The following FZD6 variants were observed in gnomAD, a reference collection of about 807,000 sequenced individuals.
FZD6 encodes frizzled-6.
In FZD6, 49 loss-of-function variants were observed where a neutral mutation model predicts 61.4. The observed-to-expected ratio is 0.80, with a 90% confidence interval of 0.63 to 1.01. FZD6 has a LOEUF of 1.01. Ranked by LOEUF, FZD6 falls within the 50% of genes least tolerant of loss-of-function variation. FZD6 has a pLI of 0.00. For missense variants in FZD6, 724 were observed against 848.2 expected (o/e 0.85, Z 1.82); for synonymous variants, 265 against 292.2 (o/e 0.91, Z 0.95).
intron 3 of FZD6, among the ~76,000 whole-genome samples, chr8:103,321,378 T>C (rs1173025497): frequency 1.3e-5 from 2 of 152,364 alleles, no homozygotes; most frequent in East Asian, 3.9e-4. Flanking sequence ...AAAATAATTC[T>C]AGTATGGCCT....
chr8:103,324,198 A>T (rs188841008), intron 3 of FZD6, among the ~76,000 whole-genome samples: 1 of 152,344 alleles, frequency 6.6e-6, no homozygotes, highest in Non-Finnish European at 1.5e-5. Context: ...AAATTATTTT[A>T]AAATTATGAA....
At chr8:103,328,113 T>C (rs1414126481) in intron 4 of FZD6, among the ~76,000 whole-genome samples, 155 bp from the exon 5 acceptor site, 1 of 152,230 alleles carries the variant, frequency 6.6e-6, no homozygotes, top group Non-Finnish European at 1.5e-5. Flanking sequence ...ATAAAAAATG[T>C]GTTGCACTTA....
intron 2 of FZD6, among the ~76,000 whole-genome samples, chr8:103,312,111 T>A (rs1586510359): frequency 6.6e-6 from 1 of 152,326 alleles, no homozygotes; most frequent in Non-Finnish European, 1.5e-5. Context: ...GAGATGTGAA[T>A]TGCCTTCTCA....
chr8:103,314,063 C>T lies in FZD6; in HGVS notation c.178-4527C>T, dbSNP rs1394426663. 2.0e-5 allele frequency among the ~76,000 whole-genome samples: 3 copies of T among 152,208 alleles called. No homozygotes were observed. The East Asian group carries it at 5.8e-4, about 29-fold the overall frequency. On this transcript the variant is annotated intron_variant, in intron 2 of 6. Coordinates refer to ENST00000358755, the MANE Select transcript of FZD6 (RefSeq NM_003506.4). ...TCTGAGTTTTCAGCATTCAGTTTATCCTCTACACAGTGCAGGAACATCAAC... is the reference window on the plus strand; with the variant it reads ...TCTGAGTTTTCAGCATTCAGTTTATTCTCTACACAGTGCAGGAACATCAAC...
chr8:103,305,596 A>G (rs573760983), intron 2 of FZD6, among the ~76,000 whole-genome samples: 4 of 152,364 alleles, frequency 2.6e-5, no homozygotes, highest in Non-Finnish European at 5.9e-5. Flanking sequence ...GTTTTTCAGG[A>G]AAGACTATCT....
At position 103,332,636 on chromosome 8, in the gene FZD6, A is replaced by C. The variant is rs888241477; in HGVS notation, c.*1127A>C. 6.6e-6 allele frequency: 1 copy of C among 152,550 alleles called. No homozygotes were observed. The highest frequency in any genetic ancestry group is 2.4e-5 in the African/African-American group (1 of 41,446). 9.4% of individuals were successfully genotyped at this position (152,550 alleles called of 1,614,324 possible). A position where few individuals can be genotyped will look rare whatever the true frequency, so the allele number is the denominator to read the frequency against. On this transcript the variant is annotated 3_prime_UTR_variant, in exon 7 of 7. Coordinates refer to ENST00000358755, the MANE Select transcript of FZD6 (RefSeq NM_003506.4). ...AGGAGTTTTCTTAATTTTGTTTCCT[A>C]TTAAGTATTATTCTTTGGGCAAGAT...
At position 103,324,607 on chromosome 8, in the gene FZD6, T is replaced by C; in HGVS notation, c.501T>C (p.Thr167=). Residue 167 remains threonine, a synonymous_variant, in exon 4 of 7, where the codon ACT becomes ACC. Transcript: ENST00000358755. ...TTTGGTGTCCAAGGCATCTTAAGAC[T>C]TCTGGGGGACAAGGATATAAGTTTC... ...IGFWCPRHLK[T]SGGQGYKFLG... 6.2e-7 allele frequency: 1 copy of C among 1,614,182 alleles called. No individual in the cohort carries two copies. The highest frequency in any genetic ancestry group is 8.5e-7 in the Non-Finnish European group (1 of 1,179,996).
chr8:103,311,885 C>CT (rs1814506183), intron 2 of FZD6, among the ~76,000 whole-genome samples: 2 of 152,050 alleles, frequency 1.3e-5, no homozygotes, highest in African/African-American at 4.8e-5. Context: ...GATGGATACT[C>CT]TGAGACTCAG....
intron 2 of FZD6, among the ~76,000 whole-genome samples, chr8:103,312,905 A>C (rs75713297): frequency 0.014 from 2,125 of 152,182 alleles, 54 homozygotes; most frequent in African/African-American, 0.048. Flanking sequence ...TTTTTAACTG[A>C]AGAGTTTCTT....
intron 3 of FZD6, among the ~76,000 whole-genome samples, chr8:103,321,770 C>T (rs1409703987): frequency 2.6e-5 from 4 of 152,116 alleles, no homozygotes; most frequent in Admixed American, 6.6e-5. Context: ...TTTTCAGTTC[C>T]GGCTCCAGCC....
Position 103,330,567 on chromosome 8 carries a change from C to G in FZD6, c.1952+502C>G, listed in dbSNP as rs181129775. Among the ~76,000 whole-genome samples the G allele has an allele frequency of 1.9e-3, 287 of 152,260 alleles. 2 individuals carry two copies. Among genetic ancestry groups the G allele is most frequent in the African/African-American group, 6.6e-3 (276 of 41,558 alleles). On this transcript the variant is annotated intron_variant, in intron 6 of 6. Transcript: ENST00000358755. ...CATTAAGATCTCAAGGTTATCTTACCTAGTCCTCTCAGACTAGGCTAAATG... is the reference window on the plus strand; with the variant it reads ...CATTAAGATCTCAAGGTTATCTTACGTAGTCCTCTCAGACTAGGCTAAATG...
chr8:103,318,782 G>A lies in FZD6; in HGVS notation c.370G>A (p.Asp124Asn). The change falls in exon 3 of 7, where the codon GAC (aspartate) becomes AAC (asparagine). Residue 124 changes from aspartate (D) to asparagine (N), a missense_variant. Coordinates refer to ENST00000358755, the MANE Select transcript of FZD6 (RefSeq NM_003506.4). ...CCGATGGCCTGAGGAGCTTGAATGT[G>A]ACAGGTAAACAATGTTTTTCATGGA... ...GIRWPEELEC[D>N]RLQYCDETVP... is the part of the protein sequence containing the mutation. 6.3e-7 allele frequency: 1 copy of A among 1,579,588 alleles called. No individual in the cohort carries two copies.
chr8:103,313,473 G>A (rs1005891717), intron 2 of FZD6, among the ~76,000 whole-genome samples: 2 of 152,252 alleles, frequency 1.3e-5, no homozygotes, highest in Admixed American at 1.3e-4. Context: ...GTAGCAAAGG[G>A]GAATGGTGAG....
intron 5 of FZD6, among the ~76,000 whole-genome samples, chr8:103,329,013 T>A (rs915718252): frequency 1.3e-4 from 15 of 115,166 alleles, no homozygotes; most frequent in African/African-American, 4.1e-4. Flanking sequence ...CATTTTAGTT[T>A]TATATATATA....
intron 2 of FZD6, among the ~76,000 whole-genome samples, chr8:103,310,474 C>T (rs547134673): frequency 3.3e-5 from 5 of 152,052 alleles, no homozygotes; most frequent in South Asian, 4.2e-4. Flanking sequence ...TATGTTGCCC[C>T]GGCTGGTCTC....
chr8:103,327,489 G>A (rs540652984), intron 4 of FZD6, among the ~76,000 whole-genome samples: 58 of 152,214 alleles, frequency 3.8e-4, no homozygotes, highest in African/African-American at 1.1e-3. Context: ...CCAGCTACTT[G>A]GGAGGCTGAG....
chr8:103,314,854 T>C (rs1395968195), intron 2 of FZD6, among the ~76,000 whole-genome samples: 1 of 152,226 alleles, frequency 6.6e-6, no homozygotes, highest in East Asian at 1.9e-4. Context: ...TATAGTTTTA[T>C]TGCTTTTTGT....
At chr8:103,329,593 A>T in intron 5 of FZD6, 62 bp from the exon 6 acceptor site, 1 of 1,247,816 alleles carries the variant, frequency 8.0e-7, no homozygotes, top group Non-Finnish European at 1.2e-6. Context: ...TATCCTTTAT[A>T]TCCTCTACTT....
At chr8:103,329,543 C>T (rs891097323) in intron 5 of FZD6, 112 bp from the exon 6 acceptor site, 3 of 695,832 alleles carry the variant, frequency 4.3e-6, no homozygotes, top group Non-Finnish European at 4.9e-6. Context: ...ATAGAATTTT[C>T]AACTTTAGTG....
Sources: allele counts gnomAD v4.1 joint callset (sites outside exome capture counted in the v4.1 genomes callset), GRCh38; gene constraint gnomAD v4.1.1; transcripts MANE v1.5; gene names NCBI Gene and HGNC (gene_info 2026-07-23, HGNC 2026-07-21).